Variants in PDZD2 observed in about 807,000 individuals in gnomAD.
PDZD2 encodes the protein PDZ domain containing 2, also known as PDZ domain-containing protein 2.
In PDZD2, 90 loss-of-function variants were observed where a neutral mutation model predicts 220.7. That is an observed-to-expected ratio of 0.41 (90% CI 0.34 to 0.49). PDZD2 has a LOEUF of 0.49. PDZD2 is among the 20% of genes least tolerant of loss of function. The probability of loss-of-function intolerance (pLI) is 0.28; values close to 1 mark genes in which losing one functional copy is unlikely to be tolerated. For synonymous variants in PDZD2, 1,375 were observed against 1,450.5 expected, an observed-to-expected ratio of 0.95 and a Z score of 1.18; for missense variants, 3,174 against 3,608.5, an observed-to-expected ratio of 0.88 and a Z score of 3.08.
chr5:31,671,904 G>C (rs998255483), intron 1 of PDZD2, among the ~76,000 whole-genome samples: 8 of 152,168 alleles, frequency 5.3e-5, no homozygotes, highest in African/African-American at 1.9e-4. Context: ...CTCACCTGGA[G>C]GGGTGGAGCT....
chr5:31,645,539 G>A (rs928030586), intron 1 of PDZD2, among the ~76,000 whole-genome samples: 4 of 152,082 alleles, frequency 2.6e-5, no homozygotes, highest in African/African-American at 7.2e-5. Context: ...GTTTCACCAT[G>A]TTGGCCAGGA....
chr5:31,743,177 CT>C (rs753388178), intron 1 of PDZD2, among the ~76,000 whole-genome samples: 655 of 142,530 alleles, frequency 4.6e-3, no homozygotes, highest in Middle Eastern at 0.018. Context: ...ATTCTTTTTT[CT>C]TTTTTTTTTT....
chr5:32,083,717 G>A lies in PDZD2; in HGVS notation c.3683-3414G>A, dbSNP rs1452285700. 1 of 152,124 alleles carries A rather than the reference G, an allele frequency of 6.6e-6. No individual in the cohort carries two copies. The highest frequency in any genetic ancestry group is 6.6e-5 in the Admixed American group (1 of 15,256). 9.4% of individuals were successfully genotyped at this position (152,124 alleles called of 1,614,324 possible). ...AGACGGATTCTTGCTCTGTCGCTCAGGCTGGATGGAGTACAGTGGCTCGAT... is the reference window on the plus strand; with the variant it reads ...AGACGGATTCTTGCTCTGTCGCTCAAGCTGGATGGAGTACAGTGGCTCGAT... On this transcript the variant is annotated intron_variant, in intron 19 of 24. Transcript: ENST00000438447. This position sits in a 1 kb window ranked among gnomAD's most constrained non-coding sequence, Gnocchi z 4.1.
At chr5:32,063,046 T>TATTATTATTATTATC (rs1225966784) in intron 14 of PDZD2, among the ~76,000 whole-genome samples, 1 of 148,974 alleles carries the variant, frequency 6.7e-6, no homozygotes, top group East Asian at 2.0e-4. Flanking sequence ...TTATTATTAT[T>TATTATTATTATTATC]ATTATTATTA....
intron 1 of PDZD2, among the ~76,000 whole-genome samples, chr5:31,654,509 C>T (rs1396734687): frequency 6.6e-6 from 1 of 152,138 alleles, no homozygotes. Flanking sequence ...GAACTCCCAC[C>T]GATCTTATCT....
chr5:32,037,379 A>G, intron 7 of PDZD2, 37 bp downstream of exon 7: 3 of 1,179,506 alleles, frequency 2.5e-6, no homozygotes, highest in Non-Finnish European at 3.8e-6. Flanking sequence ...CCTGTCTAGG[A>G]TGAGTTTTCA....
At chr5:31,900,306 G>T (rs892640534) in intron 2 of PDZD2, among the ~76,000 whole-genome samples, 12 of 152,200 alleles carry the variant, frequency 7.9e-5, no homozygotes. Flanking sequence ...ATGTGATCTT[G>T]GCTGAATCTG....
intron 2 of PDZD2, among the ~76,000 whole-genome samples, chr5:31,810,188 C>T (rs1368144328): frequency 6.6e-6 from 1 of 151,918 alleles, no homozygotes; most frequent in Non-Finnish European, 1.5e-5. Flanking sequence ...GTACTAAATA[C>T]GTTATGAACA....
At chr5:32,058,362 TAA>T (rs775748379) in intron 12 of PDZD2, among the ~76,000 whole-genome samples, 80 of 131,742 alleles carry the variant, frequency 6.1e-4, no homozygotes, top group Admixed American at 7.7e-4. Flanking sequence ...GGCTTGTGTT[TAA>T]AAAAAAAAAA....
Position 32,089,415 on chromosome 5 carries a change from C to T in PDZD2, c.5967C>T (p.Pro1989=). Residue 1989 remains proline, a synonymous_variant, in exon 20 of 25, where the codon CCC becomes CCT. Coordinates refer to ENST00000438447, the MANE Select transcript of PDZD2 (RefSeq NM_178140.4). ...IRTFVSPLTS[P]KPVPEQGMWS... is the part of the protein sequence containing the mutation. ...CATTTGTCTCGCCCCTGACCTCTCC[C>T]AAGCCTGTTCCTGAGCAAGGCATGT... is the stretch of plus-strand genomic sequence containing the variant. 1.2e-6 allele frequency: 2 copies of T among 1,614,048 alleles called. No individual in the cohort carries two copies. Among genetic ancestry groups the T allele is most frequent in the Non-Finnish European group, 1.7e-6 (2 of 1,180,018 alleles).
At chr5:31,855,727 T>A (rs1377531956) in intron 2 of PDZD2, among the ~76,000 whole-genome samples, 1 of 152,250 alleles carries the variant, frequency 6.6e-6, no homozygotes, top group South Asian at 2.1e-4. Flanking sequence ...CCCAAATTAC[T>A]AAACAGCCTG....
At chr5:31,767,027 C>CTT (rs3032828) in intron 1 of PDZD2, among the ~76,000 whole-genome samples, 11 of 94,296 alleles carry the variant, frequency 1.2e-4, no homozygotes, top group Admixed American at 1.4e-4. Context: ...TGCACCCAGC[C>CTT]TTTTTTTTTT....
intron 1 of PDZD2, among the ~76,000 whole-genome samples, chr5:31,664,171 T>G (rs1218988008): frequency 6.6e-6 from 1 of 152,108 alleles, no homozygotes; most frequent in South Asian, 2.1e-4. Flanking sequence ...AAGTTTTGTT[T>G]TGTTTTGTTT....
intron 14 of PDZD2, among the ~76,000 whole-genome samples, chr5:32,066,985 G>A (rs1369013654): frequency 2.6e-5 from 4 of 152,202 alleles, no homozygotes; most frequent in African/African-American, 7.2e-5. Context: ...CTAGGTAAAC[G>A]TGGTGTTCTT....
At position 32,098,443 on chromosome 5, in the gene PDZD2, G is replaced by A. The variant is rs1581494738; in HGVS notation, c.8027G>A (p.Gly2676Asp). Residue 2676 changes from glycine to aspartate, a missense_variant, in exon 23 of 25, where the codon GGC (glycine) becomes GAC (aspartate). Gly to Asp is a moderately conservative substitution (Grantham distance 94). Coordinates refer to ENST00000438447, the MANE Select transcript of PDZD2 (RefSeq NM_178140.4). This position sits in a 1 kb window ranked among gnomAD's most constrained non-coding sequence, Gnocchi z 4.1. ...NRGDFLLSVNGASLAGLAHGN... is the reference protein window; with the variant it reads ...NRGDFLLSVNDASLAGLAHGN... Reference sequence around the variant, plus strand: ...GGGGATTTCCTTCTGTCAGTCAACGGCGCCTCACTGGCTGGCTTAGCCCAC... The same window carrying A: ...GGGGATTTCCTTCTGTCAGTCAACGACGCCTCACTGGCTGGCTTAGCCCAC... The A allele has an allele frequency of 2.5e-6, 4 of 1,614,126 alleles. No individual in the cohort carries two copies. Among genetic ancestry groups the A allele is most frequent in the Non-Finnish European group, 3.4e-6 (4 of 1,180,012 alleles).
At chr5:31,701,438 C>T (rs1747606224) in intron 1 of PDZD2, among the ~76,000 whole-genome samples, 1 of 152,106 alleles carries the variant, frequency 6.6e-6, no homozygotes, top group African/African-American at 2.4e-5. Flanking sequence ...ATTGATCTAC[C>T]CACCTCAGCC....
intron 2 of PDZD2, among the ~76,000 whole-genome samples, chr5:31,973,133 C>G (rs76531879): frequency 0.015 from 2,264 of 152,230 alleles, 28 homozygotes; most frequent in Non-Finnish European, 0.023. Flanking sequence ...TTTATTGATT[C>G]ATAAAGAAAG....
intron 2 of PDZD2, among the ~76,000 whole-genome samples, chr5:31,968,227 G>A (rs1043804406): frequency 6.6e-6 from 1 of 152,144 alleles, no homozygotes; most frequent in Non-Finnish European, 1.5e-5. Context: ...GCGTGGTGGT[G>A]CATGTCTGTA....
At chr5:31,770,863 T>G (rs1425465819) in intron 1 of PDZD2, among the ~76,000 whole-genome samples, 1 of 152,042 alleles carries the variant, frequency 6.6e-6, no homozygotes, top group Non-Finnish European at 1.5e-5. Context: ...CAGCTCTAGG[T>G]CTTATCTTCT....
Sources: allele counts gnomAD v4.1 joint callset (sites outside exome capture counted in the v4.1 genomes callset), GRCh38; gene constraint gnomAD v4.1.1; non-coding constraint Gnocchi (gnomAD v3.1); transcripts MANE v1.5; gene names NCBI Gene and HGNC (gene_info 2026-07-23, HGNC 2026-07-21).